SPRY4: variants seen among roughly 807,000 people sequenced by gnomAD.
SPRY4 encodes the protein sprouty RTK signaling antagonist 4, also known as protein sprouty homolog 4.
Under a neutral mutation model 17.0 loss-of-function variants are expected in SPRY4, and 7 were observed. The ratio of observed to expected loss-of-function variants is 0.41; its 90% confidence interval spans 0.23 to 0.77. The LOEUF is 0.77. SPRY4 is among the 30% of genes least tolerant of loss of function. The pLI, the probability that SPRY4 is intolerant of heterozygous loss-of-function variation, is 0.32. For synonymous variants in SPRY4, 183 were observed against 174.1 expected (o/e 1.05, Z -0.40); for missense variants, 435 against 419.9 (o/e 1.04, Z -0.31).
chr5:142,315,315 G>A (rs1278641321), intron 1 of SPRY4, 160 bp from the exon 2 acceptor site: 5 of 580,338 alleles, frequency 8.6e-6, no homozygotes, highest in East Asian at 8.3e-5. Flanking sequence ...AGCTTAAGAT[G>A]ATTAATAATG....
At chr5:142,317,350 G>A (rs1759188205) in intron 1 of SPRY4, 1 of 985,338 alleles carries the variant, frequency 1.0e-6, no homozygotes, top group Non-Finnish European at 1.2e-6. Context: ...CTGCCTGGAG[G>A]AAAGGGTGTG....
At chr5:142,318,089 A>G (rs1398902957) in intron 1 of SPRY4, 1 of 985,276 alleles carries the variant, frequency 1.0e-6, no homozygotes, top group Non-Finnish European at 1.2e-6. Flanking sequence ...GCCTCTGCTG[A>G]ATTTATGTGG....
At chr5:142,323,118 A>G (rs1759405818) in intron 1 of SPRY4, among the ~76,000 whole-genome samples, 1 of 152,058 alleles carries the variant, frequency 6.6e-6, no homozygotes, top group East Asian at 1.9e-4. Flanking sequence ...AACTCCAAAC[A>G]TTGTGAAATC....
At chr5:142,315,393 A>G (rs1039351957) in intron 1 of SPRY4, 2 of 476,282 alleles carry the variant, frequency 4.2e-6, no homozygotes, top group East Asian at 3.0e-5. Context: ...TAAGCACCAT[A>G]TGCATTAAGT....
In SPRY4 at chr5:142,313,692, G is replaced by A. The variant is rs1203498211; in HGVS notation, c.*517C>T. 8 of 158,416 alleles carry A rather than the reference G, an allele frequency of 5.0e-5. No individual in the cohort carries two copies. The highest frequency in any genetic ancestry group is 1.9e-4 in the African/African-American group (8 of 41,474). 9.8% of individuals were successfully genotyped at this position (158,416 alleles called of 1,614,324 possible). ...CAAGACATCAGGGACAAAGTGGGGTGGAGTGAGATGGGGAAGGAGAAGAAG... is the reference window on the plus strand; with the variant it reads ...CAAGACATCAGGGACAAAGTGGGGTAGAGTGAGATGGGGAAGGAGAAGAAG... On this transcript the variant is annotated 3_prime_UTR_variant, in exon 2 of 2. Transcript: ENST00000434127.
In SPRY4 at chr5:142,314,081, G is replaced by A. The variant is rs924826679; in HGVS notation, c.*128C>T. 2.1e-6 allele frequency: 2 copies of A among 962,034 alleles called. No individual in the cohort carries two copies. Among genetic ancestry groups the A allele is most frequent in the South Asian group, 1.7e-5 (1 of 58,560 alleles). 59.6% of individuals were successfully genotyped at this position (962,034 alleles called of 1,614,324 possible). A position where few individuals can be genotyped will look rare whatever the true frequency, so the allele number is the denominator to read the frequency against. On this transcript the variant is annotated 3_prime_UTR_variant, in exon 2 of 2. Coordinates refer to ENST00000434127, the MANE Select transcript of SPRY4 (RefSeq NM_001127496.3). The surrounding 1 kb of genome is among the most constrained non-coding windows in gnomAD (Gnocchi z 4.8). Reference sequence around the variant, plus strand: ...GGTCTCTGTATTTTCCGAAGCTGGGGGTAGGGAGTGGGCAGACTAGCAAGG... The same window carrying A: ...GGTCTCTGTATTTTCCGAAGCTGGGAGTAGGGAGTGGGCAGACTAGCAAGG...
intron 1 of SPRY4, among the ~76,000 whole-genome samples, chr5:142,318,421 G>A (rs775834315): frequency 3.1e-4 from 47 of 151,942 alleles, no homozygotes; most frequent in Non-Finnish European, 6.2e-4. Context: ...AGGAGGCGGA[G>A]GTTGCTGTGA....
At chr5:142,324,412 G>A (rs1759462743) in intron 1 of SPRY4, 1 of 152,330 alleles carries the variant, frequency 6.6e-6, no homozygotes, top group African/African-American at 2.4e-5. Context: ...CACCGAGCTG[G>A]GAGGTGGGCG....
Position 142,314,164 on chromosome 5 carries a change from A to G in SPRY4, c.*45T>C, listed in dbSNP as rs1759036623. The stretch of plus-strand genomic sequence containing the variant: ...CTGCAGTCTTCTTAGATGTCAGAAG[A>G]GAACCAGGTTTCCAGGCAGAGCACT... On this transcript the variant is annotated 3_prime_UTR_variant, in exon 2 of 2. Transcript: ENST00000434127. The surrounding 1 kb of genome is among the most constrained non-coding windows in gnomAD (Gnocchi z 4.8). The G allele has an allele frequency of 6.4e-7, 1 of 1,557,130 alleles. No individual in the cohort carries two copies.
Position 142,314,658 on chromosome 5 carries a change from C to G in SPRY4, c.451G>C (p.Glu151Gln). The G allele has an allele frequency of 6.2e-7, 1 of 1,614,210 alleles. No homozygotes were observed. The highest frequency in any genetic ancestry group is 8.5e-7 in the Non-Finnish European group (1 of 1,180,028). ...CACAGCAAGAAGTGCTTGTCCAGCTCGGGTGGGACCGCCGGGCCCTTGAGG... is the reference window on the plus strand; with the variant it reads ...CACAGCAAGAAGTGCTTGTCCAGCTGGGGTGGGACCGCCGGGCCCTTGAGG... ...LDLKGPAVPP[E>Q]LDKHFLLCEA... is the part of the protein sequence containing the mutation. Residue 151 changes from glutamate to glutamine, a missense_variant, in exon 2 of 2, where the codon GAG becomes CAG. Transcript: ENST00000434127. The surrounding 1 kb of genome is among the most constrained non-coding windows in gnomAD (Gnocchi z 4.8).
intron 1 of SPRY4, chr5:142,317,594 G>T: frequency 1.0e-6 from 1 of 984,692 alleles, no homozygotes; most frequent in Non-Finnish European, 1.2e-6. Flanking sequence ...GAAAGTAAAA[G>T]ACTCCCTTTC....
chr5:142,314,510 A>G lies in SPRY4; in HGVS notation c.599T>C (p.Met200Thr), dbSNP rs1407655530. The G allele has an allele frequency of 1.2e-6, 2 of 1,614,060 alleles. No individual in the cohort carries two copies. Among genetic ancestry groups the G allele is most frequent in the Non-Finnish European group, 8.5e-7 (1 of 1,180,022 alleles). ...AQTLVNYGTC[M>T]CLVQGIFYHC... The stretch of plus-strand genomic sequence containing the variant: ...GTAGAAGATGCCCTGCACCAAACAC[A>G]TGCACGTGCCATAGTTGACCAGAGT... The change falls in exon 2 of 2, where the codon ATG becomes ACG. Residue 200 changes from methionine to threonine, a missense_variant. By Grantham distance (81) the Met-to-Thr change is moderately conservative (BLOSUM62 -1). Coordinates refer to ENST00000434127, the MANE Select transcript of SPRY4 (RefSeq NM_001127496.3). This position sits in a 1 kb window ranked among gnomAD's most constrained non-coding sequence, Gnocchi z 4.8.
intron 1 of SPRY4, chr5:142,317,418 C>T (rs535870689): frequency 2.3e-4 from 227 of 985,254 alleles, no homozygotes; most frequent in Non-Finnish European, 2.7e-4. Flanking sequence ...AGCCAGAACC[C>T]TCACCCCCGG....
intron 1 of SPRY4, among the ~76,000 whole-genome samples, chr5:142,319,310 G>A (rs945476554): frequency 1.3e-5 from 2 of 152,230 alleles, no homozygotes; most frequent in Non-Finnish European, 2.9e-5. Flanking sequence ...TCAATGTGGA[G>A]AGTGAAGGCT....
In SPRY4 at chr5:142,314,974, G is replaced by A; in HGVS notation, c.135C>T (p.Thr45=). ...LTILPIDQVK[T]SHVENDYIDN... ...CTATGTAGTCATTCTCCACATGGCT[G>A]GTCTTCACCTGGTCAATGGGTAGGA... is the stretch of plus-strand genomic sequence containing the variant. Residue 45 remains threonine, a synonymous_variant, in exon 2 of 2, where the codon ACC becomes ACT. Transcript: ENST00000434127. The surrounding 1 kb of genome is among the most constrained non-coding windows in gnomAD (Gnocchi z 4.8). 1 of 1,614,098 alleles carries A rather than the reference G, an allele frequency of 6.2e-7. No individual in the cohort carries two copies. Among genetic ancestry groups the A allele is most frequent in the East Asian group, 2.2e-5 (1 of 44,882 alleles).
intron 1 of SPRY4, among the ~76,000 whole-genome samples, chr5:142,321,617 C>G (rs1195544516): frequency 9.2e-5 from 14 of 152,190 alleles, no homozygotes; most frequent in Admixed American, 9.2e-4. Context: ...TCTCCAAATT[C>G]AGAGGCCTGG....
intron 1 of SPRY4, chr5:142,318,120 T>C (rs1056241147): frequency 1.9e-5 from 19 of 984,998 alleles, no homozygotes; most frequent in Non-Finnish European, 2.3e-5. Context: ...AAAACAATTT[T>C]CTGAGCTGCC....
rs1466786875 is a variant in SPRY4, at chr5:142,310,513, C to T, written c.*3696G>A. On this transcript the variant is annotated 3_prime_UTR_variant, in exon 2 of 2. Coordinates refer to ENST00000434127, the MANE Select transcript of SPRY4 (RefSeq NM_001127496.3). The stretch of plus-strand genomic sequence containing the variant: ...TCAGTTTTTAACTTGTTTTTTTCTT[C>T]ACAAACAGAAGAACTCTTACAATAG... 1 of 152,166 alleles carries T rather than the reference C, an allele frequency of 6.6e-6. No individual in the cohort carries two copies. Among genetic ancestry groups the T allele is most frequent in the Non-Finnish European group, 1.5e-5 (1 of 67,966 alleles). 9.4% of individuals were successfully genotyped at this position (152,166 alleles called of 1,614,324 possible).
At position 142,314,247 on chromosome 5, in the gene SPRY4, C is replaced by CGCTGGCTGCTTTGCGTCATCTGCAGCT; in HGVS notation, c.861_862insAGCTGCAGATGACGCAAAGCAGCCAGC (p.Ser287_Gly288insSerCysArgTer). 1.2e-6 allele frequency: 2 copies of CGCTGGCTGCTTTGCGTCATCTGCAGCT among 1,612,252 alleles called. No homozygotes were observed. Among genetic ancestry groups the CGCTGGCTGCTTTGCGTCATCTGCAGCT allele is most frequent in the Non-Finnish European group, 8.5e-7 (1 of 1,179,608 alleles). ...TCGGGCCTGCTGGTCTTGGCATCCC[C>CGCTGGCTGCTTTGCGTCATCTGCAGCT]GCTGGCTGCTTTGCAGATGACGCTG... On this transcript the variant is annotated stop_gained and inframe_insertion, in exon 2 of 2. Coordinates refer to ENST00000434127, the MANE Select transcript of SPRY4 (RefSeq NM_001127496.3). LOFTEE classifies it high-confidence loss of function. The surrounding 1 kb of genome is among the most constrained non-coding windows in gnomAD (Gnocchi z 4.8).
Sources: gnomAD v4.1 joint callset for allele counts (sites outside exome capture counted in the v4.1 genomes callset) on GRCh38, gnomAD v4.1.1 for gene constraint, Gnocchi (gnomAD v3.1) non-coding constraint, MANE v1.5 for transcripts, NCBI Gene and HGNC (gene_info 2026-07-23, HGNC 2026-07-21) for gene names.